Variants in AK8 observed in about 807,000 individuals in gnomAD.
The protein encoded by AK8 is ATP-AMP transphosphorylase 8.
A neutral mutation model predicts 54.6 loss-of-function variants in AK8; 44 were observed. The ratio of observed to expected loss-of-function variants is 0.81; its 90% CI spans 0.63 to 1.04. AK8 has a LOEUF of 1.04. AK8 is among the 50% of genes least tolerant of loss of function. The probability of loss-of-function intolerance (pLI) is 0.00; values close to 1 mark genes in which losing one functional copy is unlikely to be tolerated. For missense variants in AK8, 555 were observed against 613.6 expected, an observed-to-expected ratio of 0.90 and a Z score of 1.01; for synonymous variants, 239 against 245.6, an observed-to-expected ratio of 0.97 and a Z score of 0.25.
intron 11 of AK8, among the ~76,000 whole-genome samples, chr9:132,739,582 T>C (rs1427515477): frequency 6.6e-6 from 1 of 151,928 alleles, no homozygotes; most frequent in Non-Finnish European, 1.5e-5. Flanking sequence ...GAGTTGTTTT[T>C]GTTTTGTTTT....
At chr9:132,795,332 C>A (rs1236797740) in intron 10 of AK8, among the ~76,000 whole-genome samples, 2 of 152,100 alleles carry the variant, frequency 1.3e-5, no homozygotes, top group Non-Finnish European at 2.9e-5. Flanking sequence ...TGCTATAGAC[C>A]CCCTGTACAC....
Position 132,826,709 on chromosome 9 carries a change from C to A in AK8, c.757+145G>T. The A allele has an allele frequency of 1.0e-6, 1 of 952,982 alleles. No individual in the cohort carries two copies. The highest frequency in any genetic ancestry group is 1.6e-6 in the Non-Finnish European group (1 of 642,892). The allele number at this position is 952,982 out of a possible 1,614,324, so 59.0% of individuals were successfully genotyped here. On this transcript the variant is annotated intron_variant, in intron 8 of 12. Transcript: ENST00000298545. The surrounding 1 kb of genome is among the most constrained non-coding windows in gnomAD (Gnocchi z 4.5). Reference sequence around the variant, plus strand: ...ACACATGCATTTCTGGGCAGGGAACCCGGGTCATCTATGTCTTGACTTCCA... The same window carrying A: ...ACACATGCATTTCTGGGCAGGGAACACGGGTCATCTATGTCTTGACTTCCA...
At chr9:132,804,104 C>CAAA (rs200556575) in intron 10 of AK8, among the ~76,000 whole-genome samples, 7 of 93,232 alleles carry the variant, frequency 7.5e-5, no homozygotes, top group Non-Finnish European at 1.4e-4. Flanking sequence ...GACTCCATCT[C>CAAA]AAAAAAAAAA....
At chr9:132,755,830 C>T (rs1268035346) in intron 11 of AK8, among the ~76,000 whole-genome samples, 3 of 151,050 alleles carry the variant, frequency 2.0e-5, no homozygotes, top group East Asian at 1.9e-4. Flanking sequence ...TGTAATGGTG[C>T]GATCTCTGCT....
intron 1 of AK8, among the ~76,000 whole-genome samples, chr9:132,876,769 C>A (rs73550667): frequency 0.12 from 17,752 of 152,088 alleles, 2,221 homozygotes; most frequent in African/African-American, 0.31. Context: ...TGGAGGGAAT[C>A]CACAGATGAC....
chr9:132,746,185 C>A (rs919713680), intron 11 of AK8, among the ~76,000 whole-genome samples: 1 of 47,702 alleles, frequency 2.1e-5, no homozygotes, highest in African/African-American at 7.4e-5. Flanking sequence ...CGCTTCCAAG[C>A]CAGTCTGGCA....
chr9:132,838,290 T>C (rs1842407005), intron 5 of AK8, among the ~76,000 whole-genome samples: 1 of 152,164 alleles, frequency 6.6e-6, no homozygotes, highest in African/African-American at 2.4e-5. Context: ...AATTCTAAAC[T>C]TTTGGCTCCA....
chr9:132,834,176 G>T (rs576733257), intron 5 of AK8, among the ~76,000 whole-genome samples: 28 of 152,328 alleles, frequency 1.8e-4, no homozygotes, highest in Middle Eastern at 3.4e-3. Context: ...CAGGCTGAAC[G>T]CGGCCTAATG....
intron 5 of AK8, among the ~76,000 whole-genome samples, chr9:132,851,599 CTG>C (rs1417995658): frequency 6.6e-6 from 1 of 152,252 alleles, no homozygotes. Flanking sequence ...TTCAGAGACA[CTG>C]AGACATGAAC....
chr9:132,745,604 C>T (rs73659470), intron 11 of AK8, among the ~76,000 whole-genome samples: 4,252 of 152,154 alleles, frequency 0.028, 191 homozygotes, highest in African/African-American at 0.096. Context: ...ACACTAATTC[C>T]GGATGCTGAC....
At position 132,761,259 on chromosome 9, in the gene AK8, C is replaced by CT. The variant is rs202041016; in HGVS notation, c.1121+31374dup. 7.6e-3 allele frequency among the ~76,000 whole-genome samples: 1,010 copies of CT among 133,026 alleles called. 75 individuals are homozygous for CT. Among genetic ancestry groups the CT allele is most frequent in the African/African-American group, 0.029 (852 of 29,318 alleles). 87.3% of individuals were successfully genotyped at this position (133,026 alleles called of 152,430 possible). ...GGATTTTCTATTTCTTTTTTCTTTTCTTTTCTTTTCTTTTTTTTTTTTTTT... is the reference window on the plus strand; with the variant it reads ...GGATTTTCTATTTCTTTTTTCTTTTCTTTTTCTTTTCTTTTTTTTTTTTTTT... On this transcript the variant is annotated intron_variant, in intron 11 of 12. Coordinates refer to ENST00000298545, the MANE Select transcript of AK8 (RefSeq NM_152572.3).
intron 10 of AK8, among the ~76,000 whole-genome samples, chr9:132,806,033 G>C (rs1344534658): frequency 6.6e-6 from 1 of 151,904 alleles, no homozygotes; most frequent in African/African-American, 2.4e-5. Context: ...ACACACCTGG[G>C]GGAGGCAACG....
rs1234470911 is a variant in AK8, at chr9:132,814,575, CA to C, written c.979+62del. On this transcript the variant is annotated intron_variant, in intron 10 of 12. Coordinates refer to ENST00000298545, the MANE Select transcript of AK8 (RefSeq NM_152572.3). ...GAGCCCCTGAATGTTCAGAGAGCCG[CA>C]CAAAAAGAAAGTTCTCTCTGGAGCC... 4.7e-6 allele frequency: 7 copies of C among 1,499,000 alleles called. No homozygotes were observed. In the African/African-American group the frequency reaches 9.9e-5, roughly 21 times the overall value. The allele number at this position is 1,499,000 out of a possible 1,614,324, so 92.9% of individuals were successfully genotyped here. A position where few individuals can be genotyped will look rare whatever the true frequency, so the allele number is the denominator to read the frequency against.
chr9:132,837,832 C>A lies in AK8; in HGVS notation c.403-9106G>T, dbSNP rs534222422. Reference sequence around the variant, plus strand: ...TGTGCTCACTGTGCTGTGCCCGGCACCTCACCAAGCCCTCAGAAGCCCTGC... The same window carrying A: ...TGTGCTCACTGTGCTGTGCCCGGCAACTCACCAAGCCCTCAGAAGCCCTGC... On this transcript the variant is annotated intron_variant, in intron 5 of 12. Coordinates refer to ENST00000298545, the MANE Select transcript of AK8 (RefSeq NM_152572.3). This position sits in a 1 kb window ranked among gnomAD's most constrained non-coding sequence, Gnocchi z 4.3. Among the ~76,000 whole-genome samples the A allele has an allele frequency of 3.3e-5, 5 of 152,324 alleles. No individual in the cohort carries two copies. The South Asian group carries it at 1.0e-3, about 32-fold the overall frequency.
At chr9:132,728,155 T>A (rs1265058715) in intron 11 of AK8, among the ~76,000 whole-genome samples, 2 of 152,208 alleles carry the variant, frequency 1.3e-5, no homozygotes, top group Non-Finnish European at 2.9e-5. Context: ...GGCATCATTT[T>A]CCACATGTGG....
At chr9:132,839,935 A>C (rs933288137) in intron 5 of AK8, among the ~76,000 whole-genome samples, 2 of 150,874 alleles carry the variant, frequency 1.3e-5, no homozygotes, top group African/African-American at 4.9e-5. Flanking sequence ...CTCTTGCCTC[A>C]GCCTCCTGAG....
intron 5 of AK8, among the ~76,000 whole-genome samples, chr9:132,832,195 G>C (rs1320561273): frequency 7.2e-6 from 1 of 138,578 alleles, no homozygotes; most frequent in Non-Finnish European, 1.5e-5. Context: ...CCTAAAGACT[G>C]TTGGAAAAAT....
At chr9:132,846,035 C>A (rs1426769734) in intron 5 of AK8, among the ~76,000 whole-genome samples, 1 of 152,188 alleles carries the variant, frequency 6.6e-6, no homozygotes, top group African/African-American at 2.4e-5. Flanking sequence ...GTGGGACACA[C>A]AGACGATCAC....
At chr9:132,815,982 T>C (rs1309342471) in intron 9 of AK8, among the ~76,000 whole-genome samples, 1 of 152,236 alleles carries the variant, frequency 6.6e-6, no homozygotes, top group Non-Finnish European at 1.5e-5. Flanking sequence ...ATTCACTATG[T>C]AAATGACAGC....
Sources: gnomAD v4.1 joint callset for allele counts (sites outside exome capture counted in the v4.1 genomes callset) on GRCh38, gnomAD v4.1.1 for gene constraint, Gnocchi (gnomAD v3.1) non-coding constraint, MANE v1.5 for transcripts, NCBI Gene and HGNC (gene_info 2026-07-23, HGNC 2026-07-21) for gene names.